Variants in CLK2 observed in about 807,000 individuals in gnomAD.
The protein encoded by CLK2 is CDC like kinase 2.
Under a neutral mutation model 73.5 loss-of-function variants are expected in CLK2, and 12 were observed. The ratio of observed to expected loss-of-function variants is 0.16; its 90% CI spans 0.10 to 0.26. CLK2 has a LOEUF of 0.26. Among genes scored for constraint, CLK2 ranks in the 10% least tolerant of loss-of-function variants. CLK2 has a pLI of 1.00. For synonymous variants in CLK2, 232 were observed against 237.9 expected, an observed-to-expected ratio of 0.98 and a Z score of 0.23; for missense variants, 509 against 688.4, an observed-to-expected ratio of 0.74 and a Z score of 2.92.
At chr1:155,271,658 A>G (rs1395645053) in intron 1 of CLK2, among the ~76,000 whole-genome samples, 1 of 152,218 alleles carries the variant, frequency 6.6e-6, no homozygotes, top group Non-Finnish European at 1.5e-5. Flanking sequence ...TTCAGGATCT[A>G]AGATATAGAT....
chr1:155,272,102 C>T (rs577949250), intron 1 of CLK2, among the ~76,000 whole-genome samples: 45 of 151,884 alleles, frequency 3.0e-4, no homozygotes, highest in African/African-American at 1.1e-3. Flanking sequence ...CCATAACCTC[C>T]GCCTGCAGGG....
rs1238228330 is a variant in CLK2 at position 155,268,433 on chromosome 1, A to C, written c.488-74T>G. The C allele has an allele frequency of 4.9e-6, 6 of 1,236,322 alleles. No homozygotes were observed. Among genetic ancestry groups the C allele is most frequent in the Non-Finnish European group, 7.1e-6 (6 of 840,844 alleles). 76.6% of individuals were successfully genotyped at this position (1,236,322 alleles called of 1,614,324 possible). On this transcript the variant is annotated intron_variant, in intron 4 of 12. Coordinates refer to ENST00000368361, the MANE Select transcript of CLK2 (RefSeq NM_001294338.2). This position sits in a 1 kb window ranked among gnomAD's most constrained non-coding sequence, Gnocchi z 5.6. Reference sequence around the variant, plus strand: ...GGAATGAGCTGAGTTGGAAGAAAAAAGGGGACAGCAACCTGGGGTGGAGAT... The same window carrying C: ...GGAATGAGCTGAGTTGGAAGAAAAACGGGGACAGCAACCTGGGGTGGAGAT...
rs758184333 is a variant in CLK2, at chr1:155,263,389, G to A, written c.1329C>T (p.Thr443=). Residue 443 remains threonine (T), a synonymous_variant, in exon 13 of 13, where the codon ACC becomes ACT. Coordinates refer to ENST00000368361, the MANE Select transcript of CLK2 (RefSeq NM_001294338.2). ...ENCKPLRRYL[T]SEAEEHHQLF... is the part of the protein sequence containing the mutation. ...GCTGGTGGTGTTCCTCTGCCTCTGA[G>A]GTCAGATACCGCTGGTGGAGGAGGG... 6 of 1,613,950 alleles carry A rather than the reference G, an allele frequency of 3.7e-6. No homozygotes were observed. The highest frequency in any genetic ancestry group is 4.5e-5 in the East Asian group (2 of 44,894).
chr1:155,270,502 G>A (rs1673443563), intron 2 of CLK2, among the ~76,000 whole-genome samples: 1 of 152,182 alleles, frequency 6.6e-6, no homozygotes, highest in South Asian at 2.1e-4. Context: ...TCTGCCCAAA[G>A]ACACTTCCCC....
chr1:155,267,047 G>A, intron 6 of CLK2, 152 bp from the exon 7 acceptor site: 1 of 819,700 alleles, frequency 1.2e-6, no homozygotes, highest in Non-Finnish European at 1.9e-6. Flanking sequence ...GTTCAGCTAA[G>A]GAGTAGCCTC....
At position 155,269,556 on chromosome 1, in the gene CLK2, G is replaced by T. The variant is rs1157486372; in HGVS notation, c.331C>A (p.Gln111Lys). 1 of 1,614,050 alleles carries T rather than the reference G, an allele frequency of 6.2e-7. No individual in the cohort carries two copies. The highest frequency in any genetic ancestry group is 1.3e-5 in the African/African-American group (1 of 74,922). ...CTGTGCTTCCTCCGGCTGCTGCGCTGGCTGCGGTAACTGCTGTTCTCCCGC... is the reference window on the plus strand; with the variant it reads ...CTGTGCTTCCTCCGGCTGCTGCGCTTGCTGCGGTAACTGCTGTTCTCCCGC... ...YQRENSSYRS[Q>K]RSSRRKHRRR... Residue 111 changes from glutamine (Q) to lysine (K), a missense_variant, in exon 3 of 13, where the codon CAG becomes AAG. Transcript: ENST00000368361.
At chr1:155,265,592 A>AATAAATAAATAAATATATAAATAT (rs3065804) in intron 8 of CLK2, among the ~76,000 whole-genome samples, 19 of 149,806 alleles carry the variant, frequency 1.3e-4, no homozygotes, top group Non-Finnish European at 1.9e-4. Context: ...TAAATAAATA[A>AATAAATAAATAAATATATAAATAT]ATAAATAAAT....
chr1:155,272,978 C>A (rs1165022247), intron 1 of CLK2, among the ~76,000 whole-genome samples: 2 of 152,162 alleles, frequency 1.3e-5, no homozygotes, highest in Non-Finnish European at 2.9e-5. Flanking sequence ...CTTACTCTAT[C>A]ATCCCTTCTA....
At chr1:155,263,801 T>C (rs1279269445) in intron 12 of CLK2, 149 bp downstream of exon 12, 2 of 1,401,232 alleles carry the variant, frequency 1.4e-6, no homozygotes, top group Non-Finnish European at 1.9e-6. Context: ...CCTCTTATGT[T>C]TCCTCTGTTG....
chr1:155,268,078 G>A lies in CLK2; in HGVS notation c.603C>T (p.Tyr201=), dbSNP rs141375726. 7.1e-5 allele frequency: 115 copies of A among 1,614,116 alleles called. No homozygotes were observed. The African/African-American group carries it at 1.4e-3, about 20-fold the overall frequency. ...ALKIIKNVEK[Y]KEAARLEINV... is the part of the protein sequence containing the mutation. Reference sequence around the variant, plus strand: ...TGATCTCAAGTCGAGCTGCTTCCTTGTACTTCTCCACATTCTTAATGATCT... The same window carrying A: ...TGATCTCAAGTCGAGCTGCTTCCTTATACTTCTCCACATTCTTAATGATCT... The change falls in exon 6 of 13, where the codon TAC becomes TAT. Residue 201 remains tyrosine, a synonymous_variant. Transcript: ENST00000368361. This position sits in a 1 kb window ranked among gnomAD's most constrained non-coding sequence, Gnocchi z 5.6.
At position 155,270,945 on chromosome 1, in the gene CLK2, C is replaced by T; in HGVS notation, c.33G>A (p.Glu11=). 6.2e-7 allele frequency: 1 copy of T among 1,614,070 alleles called. No homozygotes were observed. The highest frequency in any genetic ancestry group is 8.5e-7 in the Non-Finnish European group (1 of 1,179,926). MPHPRRYHSS[E]RGSRGSYREH... is the part of the protein sequence containing the mutation. The stretch of plus-strand genomic sequence containing the variant: ...CACGGTAACTCCCCCGGCTGCCTCG[C>T]TCTGAGGAGTGGTACCTTCGAGGAT... The change falls in exon 2 of 13, where the codon GAG becomes GAA. Residue 11 remains glutamate (E), a synonymous_variant. Coordinates refer to ENST00000368361, the MANE Select transcript of CLK2 (RefSeq NM_001294338.2).
At position 155,269,525 on chromosome 1, in the gene CLK2, C is replaced by A; in HGVS notation, c.362G>T (p.Arg121Leu). The A allele has an allele frequency of 9.9e-6, 16 of 1,614,002 alleles. No individual in the cohort carries two copies. Among genetic ancestry groups the A allele is most frequent in the Non-Finnish European group, 1.4e-5 (16 of 1,180,030 alleles). ...QRSSRRKHRR[R>L]RRRSRTFSRS... is the part of the protein sequence containing the mutation. The stretch of plus-strand genomic sequence containing the variant: ...GCTAAATGTCCGGCTGCGCCTCCTC[C>A]GCCGTCTGTGCTTCCTCCGGCTGCT... Residue 121 changes from arginine to leucine, a missense_variant, in exon 3 of 13, where the codon CGG becomes CTG. Arg to Leu is a moderately radical substitution (Grantham distance 102). Around this residue, in one of 6 missense-constraint regions of CLK2, gnomAD observed 222 missense variants for 221.7 expected, o/e 1.00. Transcript: ENST00000368361.
intron 8 of CLK2, 149 bp downstream of exon 8, chr1:155,265,711 T>A: frequency 1.5e-6 from 1 of 666,664 alleles, no homozygotes; most frequent in East Asian, 2.7e-5. Flanking sequence ...TTTCTCCCTT[T>A]CAACCTATTT....
intron 6 of CLK2, 103 bp from the exon 7 acceptor site, chr1:155,266,998 G>T: frequency 7.5e-7 from 1 of 1,332,822 alleles, no homozygotes. Flanking sequence ...CCACATACTT[G>T]TGTAAAACCA....
intron 6 of CLK2, 60 bp from the exon 7 acceptor site, chr1:155,266,955 A>G: frequency 6.3e-7 from 1 of 1,577,424 alleles, no homozygotes; most frequent in Non-Finnish European, 8.6e-7. Flanking sequence ...CCCATCAGCC[A>G]TCCAACAAGG....
intron 6 of CLK2, 84 bp downstream of exon 6, chr1:155,267,926 T>C (rs541550572): frequency 9.0e-6 from 8 of 892,056 alleles, no homozygotes; most frequent in Non-Finnish European, 1.9e-6. Context: ...AGGACTCCCC[T>C]GTCTGCCTAA....
chr1:155,269,027 C>G, intron 3 of CLK2: 1 of 607,052 alleles, frequency 1.6e-6, no homozygotes. Flanking sequence ...CAGGGAGAGG[C>G]ATGGGCAGAG....
rs1471328129 is a variant in CLK2 at position 155,269,555 on chromosome 1, T to C, written c.332A>G (p.Gln111Arg). The change falls in exon 3 of 13, where the codon CAG (glutamine) becomes CGG (arginine). Residue 111 changes from glutamine to arginine, a missense_variant. This residue lies in a region of CLK2 where 222 missense variants were observed against 221.7 expected (regional missense o/e 1.00). Transcript: ENST00000368361. ...TCTGTGCTTCCTCCGGCTGCTGCGC[T>C]GGCTGCGGTAACTGCTGTTCTCCCG... ...YQRENSSYRSQRSSRRKHRRR... is the reference protein window; with the variant it reads ...YQRENSSYRSRRSSRRKHRRR... 2 of 1,614,218 alleles carry C rather than the reference T, an allele frequency of 1.2e-6. No individual in the cohort carries two copies. Among genetic ancestry groups the C allele is most frequent in the Non-Finnish European group, 1.7e-6 (2 of 1,180,042 alleles).
In CLK2 at chr1:155,268,796, C is replaced by T; in HGVS notation, c.400-1G>A. ...TCTTGGCTCTCCGGCTGCTGTGCTG[C>T]TGTCGGGGGGCAGGGGGGGTCGGAG... On this transcript the variant is annotated splice_acceptor_variant, in intron 3 of 12. Coordinates refer to ENST00000368361, the MANE Select transcript of CLK2 (RefSeq NM_001294338.2). LOFTEE classifies it high-confidence loss of function. The surrounding 1 kb of genome is among the most constrained non-coding windows in gnomAD (Gnocchi z 5.6). 2 of 1,462,940 alleles carry T rather than the reference C, an allele frequency of 1.4e-6. No homozygotes were observed. The highest frequency in any genetic ancestry group is 1.5e-5 in the African/African-American group (1 of 68,260). The allele number at this position is 1,462,940 out of a possible 1,614,324, so 90.6% of individuals were successfully genotyped here.
Sources: allele counts gnomAD v4.1 joint callset (sites outside exome capture counted in the v4.1 genomes callset), GRCh38; gene constraint gnomAD v4.1.1; regional missense constraint gnomAD v4.1.1; non-coding constraint Gnocchi (gnomAD v3.1); transcripts MANE v1.5; gene names NCBI Gene and HGNC (gene_info 2026-07-23, HGNC 2026-07-21).